The following TMEM132D variants were observed in gnomAD, a reference collection of about 807,000 sequenced individuals.
The protein encoded by TMEM132D is mature OL transmembrane protein.
A neutral mutation model predicts 62.3 loss-of-function variants in TMEM132D; 21 were observed. That is an observed-to-expected ratio of 0.34 (90% CI 0.24 to 0.49). TMEM132D has a LOEUF of 0.49. Ranked by LOEUF, TMEM132D falls within the 20% of genes least tolerant of loss-of-function variation. TMEM132D has a pLI of 0.99. For missense variants in TMEM132D, 1,346 were observed against 1,402.8 expected, an observed-to-expected ratio of 0.96 and a Z score of 0.65; for synonymous variants, 621 against 575.6, an observed-to-expected ratio of 1.08 and a Z score of -1.13.
At chr12:129,560,500 C>T (rs1273673315) in intron 2 of TMEM132D, among the ~76,000 whole-genome samples, 2 of 152,048 alleles carry the variant, frequency 1.3e-5, no homozygotes. Context: ...GAACTCCTGA[C>T]CTCAAATGAT....
intron 3 of TMEM132D, among the ~76,000 whole-genome samples, chr12:129,506,154 A>T (rs1875323160): frequency 6.6e-6 from 1 of 152,066 alleles, no homozygotes; most frequent in South Asian, 2.1e-4. Context: ...TTCTGTTTTG[A>T]TGTGTTTTCA....
chr12:129,511,399 A>G (rs766393319), intron 3 of TMEM132D, among the ~76,000 whole-genome samples: 3 of 152,126 alleles, frequency 2.0e-5, no homozygotes, highest in Non-Finnish European at 2.9e-5. Context: ...TATTCCATTT[A>G]TGGATATATA....
intron 1 of TMEM132D, among the ~76,000 whole-genome samples, chr12:129,794,186 T>C (rs1051142516): frequency 1.3e-5 from 2 of 151,218 alleles, no homozygotes; most frequent in Non-Finnish European, 2.9e-5. Flanking sequence ...CCTCCCAGGT[T>C]AAAGCAATTC....
intron 5 of TMEM132D, among the ~76,000 whole-genome samples, chr12:129,161,621 A>T (rs1877402355): frequency 6.6e-6 from 1 of 152,182 alleles, no homozygotes; most frequent in Non-Finnish European, 1.5e-5. Flanking sequence ...CCTGTCTCTG[A>T]GTCCTTCTGC....
chr12:129,512,180 C>T (rs1335877839), intron 3 of TMEM132D, among the ~76,000 whole-genome samples: 1 of 152,200 alleles, frequency 6.6e-6, no homozygotes, highest in Non-Finnish European at 1.5e-5. Context: ...CTGCCTCTTA[C>T]CCCACTACTT....
chr12:129,708,629 A>C (rs1465657617), intron 1 of TMEM132D, among the ~76,000 whole-genome samples: 1 of 82,712 alleles, frequency 1.2e-5, no homozygotes, highest in Non-Finnish European at 2.3e-5. Context: ...AAAAAAAAAA[A>C]AACACACACA....
intron 2 of TMEM132D, among the ~76,000 whole-genome samples, chr12:129,651,379 T>C (rs1879923663): frequency 6.6e-6 from 1 of 152,232 alleles, no homozygotes; most frequent in African/African-American, 2.4e-5. Context: ...TAACCTTGGT[T>C]CATTTAGGCA....
At chr12:129,837,363 G>C (rs1232941702) in intron 1 of TMEM132D, among the ~76,000 whole-genome samples, 1 of 152,216 alleles carries the variant, frequency 6.6e-6, no homozygotes, top group African/African-American at 2.4e-5. Context: ...ACAAGGCAGA[G>C]AGTCCTGTAC....
chr12:129,722,316 A>G (rs1203884957), intron 1 of TMEM132D, among the ~76,000 whole-genome samples: 1 of 144,794 alleles, frequency 6.9e-6, no homozygotes, highest in African/African-American at 2.6e-5. Context: ...CTCTGGTACA[A>G]GTCGAAATGC....
intron 1 of TMEM132D, among the ~76,000 whole-genome samples, chr12:129,796,031 TATCCCTTTAAAA>T (rs1440129833): frequency 1.3e-5 from 2 of 152,128 alleles, no homozygotes; most frequent in African/African-American, 4.8e-5. Context: ...TGGAAATAAA[TATCCCTTTAAAA>T]ATTAAAGAGG....
chr12:129,626,035 A>G (rs1879202858), intron 2 of TMEM132D, among the ~76,000 whole-genome samples: 1 of 151,890 alleles, frequency 6.6e-6, no homozygotes, highest in African/African-American at 2.4e-5. Context: ...TTGTTTTCCA[A>G]TTGTGTCTTC....
In TMEM132D at chr12:129,074,018, C is replaced by T. The variant is rs750913130; in HGVS notation, c.3157G>A (p.Val1053Ile). Residue 1053 changes from valine (V) to isoleucine (I), a missense_variant, in exon 9 of 9, where the codon GTC becomes ATC. By Grantham distance (29) the Val-to-Ile change is conservative (BLOSUM62 3). Coordinates refer to ENST00000422113, the MANE Select transcript of TMEM132D (RefSeq NM_133448.3). The stretch of plus-strand genomic sequence containing the variant: ...GTGGGGTACTCGTCGTCTGAGGAGA[C>T]GGCGGTGAAGGTGGTAAATTTTACC... The part of the protein sequence containing the change: ...KRVKFTTFTA[V>I]SSDDEYPTRN... The T allele has an allele frequency of 3.2e-5, 51 of 1,613,818 alleles. No homozygotes were observed. The highest frequency in any genetic ancestry group is 6.7e-5 in the African/African-American group (5 of 74,882).
chr12:129,098,568 CTG>C (rs1201375939), intron 5 of TMEM132D, among the ~76,000 whole-genome samples: 3 of 152,162 alleles, frequency 2.0e-5, no homozygotes, highest in African/African-American at 7.2e-5. Context: ...CACAACAGCC[CTG>C]TGAGGTTGGT....
chr12:129,287,730 G>T lies in TMEM132D; in HGVS notation c.1299+49904C>A, dbSNP rs559933404. Among the ~76,000 whole-genome samples the T allele has an allele frequency of 1.1e-4, 10 of 88,588 alleles. No homozygotes were observed. The South Asian group carries it at 3.5e-3, about 31-fold the overall frequency. The allele number at this position is 88,588 out of a possible 152,430, so 58.1% of individuals were successfully genotyped here. ...AGAACTGCCCAGCAAAACTTTCATG[G>T]TATTCATGTTAAAAAAGGTTGATCT... On this transcript the variant is annotated intron_variant, in intron 4 of 8. Transcript: ENST00000422113.
intron 2 of TMEM132D, among the ~76,000 whole-genome samples, chr12:129,628,552 G>A (rs945352372): frequency 1.3e-5 from 2 of 152,178 alleles, no homozygotes; most frequent in Admixed American, 6.5e-5. Context: ...TATGTGCTGG[G>A]AACTCTGCTA....
chr12:129,676,521 C>T (rs967461107), intron 2 of TMEM132D, among the ~76,000 whole-genome samples: 19 of 152,292 alleles, frequency 1.2e-4, no homozygotes, highest in African/African-American at 4.3e-4. Flanking sequence ...GGCTTCAAAG[C>T]TTTTGCTTAC....
At chr12:129,472,305 A>G (rs1207304037) in intron 3 of TMEM132D, among the ~76,000 whole-genome samples, 3 of 152,188 alleles carry the variant, frequency 2.0e-5, no homozygotes, top group Non-Finnish European at 4.4e-5. Flanking sequence ...GAAGCTGGAA[A>G]CTATCATCCT....
At chr12:129,094,654 C>T (rs563579253) in intron 5 of TMEM132D, among the ~76,000 whole-genome samples, 1 of 152,284 alleles carries the variant, frequency 6.6e-6, no homozygotes, top group African/African-American at 2.4e-5. Context: ...GCTAGAAATA[C>T]CATTTGACCC....
intron 3 of TMEM132D, among the ~76,000 whole-genome samples, chr12:129,413,331 C>G (rs1193355592): frequency 6.6e-6 from 1 of 152,170 alleles, no homozygotes; most frequent in South Asian, 2.1e-4. Context: ...CTCTCATTTT[C>G]TCTCTTGCCT....
Sources: gnomAD v4.1 joint callset for allele counts (sites outside exome capture counted in the v4.1 genomes callset) on GRCh38, gnomAD v4.1.1 for gene constraint, MANE v1.5 for transcripts, NCBI Gene and HGNC (gene_info 2026-07-23, HGNC 2026-07-21) for gene names.